P3H1: variants seen among roughly 807,000 people sequenced by gnomAD.
P3H1 encodes prolyl 3-hydroxylase 1.
In P3H1, 69 loss-of-function variants were observed where a neutral mutation model predicts 84.0. The ratio of observed to expected loss-of-function variants is 0.82; its 90% CI spans 0.68 to 1.00. P3H1 has a LOEUF of 1.00. Ranked by LOEUF, P3H1 falls within the 50% of genes least tolerant of loss-of-function variation. The pLI, the probability that P3H1 is intolerant of heterozygous loss-of-function variation, is 0.00. For missense variants in P3H1, 878 were observed against 962.8 expected, an observed-to-expected ratio of 0.91 and a Z score of 1.17; for synonymous variants, 366 against 388.8, an observed-to-expected ratio of 0.94 and a Z score of 0.69.
chr1:42,751,551 C>G (rs998103391), intron 10 of P3H1: 2 of 133,012 alleles, frequency 1.5e-5, no homozygotes, highest in African/African-American at 5.7e-5. Flanking sequence ...CGAGAAACAC[C>G]CAAGAATGAT....
Position 42,757,812 on chromosome 1 carries a change from C to T in P3H1, c.1051G>A (p.Glu351Lys). Residue 351 changes from glutamate to lysine, a missense_variant, in exon 5 of 15, where the codon GAA becomes AAA. Physicochemically the swap from Glu to Lys is moderately conservative, Grantham distance 56. Coordinates refer to ENST00000296388, the MANE Select transcript of P3H1 (RefSeq NM_022356.4). The stretch of plus-strand genomic sequence containing the variant: ...CGGGGGCCGATGGATCTGGTGTGTT[C>T]TTCTCCAAGCATAGCTGCATAATAG... ...LAYYAAMLGE[E>K]HTRSIGPRES... is the part of the protein sequence containing the mutation. 4 of 1,614,242 alleles carry T rather than the reference C, an allele frequency of 2.5e-6. No individual in the cohort carries two copies. Among genetic ancestry groups the T allele is most frequent in the Non-Finnish European group, 3.4e-6 (4 of 1,180,046 alleles).
At chr1:42,764,437 A>AG (rs1345848400) in intron 1 of P3H1, among the ~76,000 whole-genome samples, 1 of 149,236 alleles carries the variant, frequency 6.7e-6, no homozygotes, top group African/African-American at 2.4e-5. Flanking sequence ...AAAAAAAAAA[A>AG]AAAAAAAGAA....
intron 1 of P3H1, among the ~76,000 whole-genome samples, 157 bp downstream of exon 1, chr1:42,766,350 G>A (rs1226624668): frequency 6.6e-6 from 1 of 152,158 alleles, no homozygotes; most frequent in African/African-American, 2.4e-5. Context: ...CTCCTGCCAG[G>A]GAGCAGCTCT....
chr1:42,746,626 C>A lies in P3H1; in HGVS notation c.*71G>T. 3 of 1,320,526 alleles carry A rather than the reference C, an allele frequency of 2.3e-6. No homozygotes were observed. Among genetic ancestry groups the A allele is most frequent in the South Asian group, 1.3e-5 (1 of 79,400 alleles). 81.8% of individuals were successfully genotyped at this position (1,320,526 alleles called of 1,614,324 possible). On this transcript the variant is annotated 3_prime_UTR_variant, in exon 15 of 15. Coordinates refer to ENST00000296388, the MANE Select transcript of P3H1 (RefSeq NM_022356.4). ...CTCACTGCTCTGCAGCCCCGAGGGG[C>A]TGGCCAGCTCAGAGTGCAGAAGAGT...
chr1:42,752,659 G>C lies in P3H1; in HGVS notation c.1351C>G (p.Pro451Ala). The C allele has an allele frequency of 6.2e-7, 1 of 1,614,164 alleles. No individual in the cohort carries two copies. Reference sequence around the variant, plus strand: ...AGACTGATGCCTTCATACAGCAGGGGGCCACCTGCAAAGCAATGACAAAAC... The same window carrying C: ...AGACTGATGCCTTCATACAGCAGGGCGCCACCTGCAAAGCAATGACAAAAC... ...DVSRLTREGG[P>A]LLYEGISLTM... Residue 451 changes from proline (P) to alanine (A), a missense_variant, in exon 9 of 15, where the codon CCC (proline) becomes GCC (alanine). Pro to Ala is a conservative substitution (Grantham distance 27). Coordinates refer to ENST00000296388, the MANE Select transcript of P3H1 (RefSeq NM_022356.4).
At chr1:42,764,231 G>A (rs1451535051) in intron 1 of P3H1, among the ~76,000 whole-genome samples, 1 of 151,654 alleles carries the variant, frequency 6.6e-6, no homozygotes, top group Non-Finnish European at 1.5e-5. Context: ...AGACCATCCT[G>A]GCCAATATGG....
rs199597388 is a variant in P3H1, at chr1:42,754,968, G to A, written c.1246C>T (p.Arg416Cys). Residue 416 changes from arginine to cysteine, a missense_variant, in exon 8 of 15, where the codon CGC becomes TGC. By Grantham distance (180) the Arg-to-Cys change is radical (BLOSUM62 -3). Transcript: ENST00000296388. This position sits in a 1 kb window ranked among gnomAD's most constrained non-coding sequence, Gnocchi z 4.0. ...KQKSERETAV[R>C]ISQEIGNLMK... ...AGGTTCCCAATCTCCTGGGAGATGC[G>A]TACGGCTGTTTCCCGTTCTGACCTA... is the stretch of plus-strand genomic sequence containing the variant. 9.9e-6 allele frequency: 16 copies of A among 1,614,028 alleles called. No homozygotes were observed. Among genetic ancestry groups the A allele is most frequent in the East Asian group, 2.2e-5 (1 of 44,888 alleles).
In P3H1 at chr1:42,755,596, T is replaced by A; in HGVS notation, c.1122A>T (p.Glu374Asp). The change falls in exon 6 of 15, where the codon GAA becomes GAT. Residue 374 changes from glutamate to aspartate, a missense_variant. Physicochemically the swap from Glu to Asp is conservative, Grantham distance 45 (BLOSUM62 2). Coordinates refer to ENST00000296388, the MANE Select transcript of P3H1 (RefSeq NM_022356.4). ...AAACATCATAAGCGAAGAAAAGCAG[T>A]TCTTTTTCCAGTAGGCTTCGCTGTC... ...EYRQRSLLEK[E>D]LLFFAYDVFG... The A allele has an allele frequency of 6.2e-7, 1 of 1,614,156 alleles. No homozygotes were observed. Among genetic ancestry groups the A allele is most frequent in the Non-Finnish European group, 8.5e-7 (1 of 1,180,010 alleles).
intron 5 of P3H1, 118 bp from the exon 6 acceptor site, chr1:42,755,755 C>T: frequency 1.1e-5 from 8 of 741,186 alleles, no homozygotes; most frequent in Non-Finnish European, 1.7e-5. Context: ...CCTCCTCTCC[C>T]TACCAATGCT....
intron 2 of P3H1, among the ~76,000 whole-genome samples, chr1:42,759,651 T>G (rs1281819021): frequency 6.6e-6 from 1 of 152,210 alleles, no homozygotes; most frequent in Admixed American, 6.5e-5. Context: ...TGGACTGCAG[T>G]GGCACAATCT....
chr1:42,747,536 C>G (rs1651797922), intron 13 of P3H1, 124 bp from the exon 14 acceptor site: 1 of 1,144,354 alleles, frequency 8.7e-7, no homozygotes, highest in Non-Finnish European at 1.3e-6. Context: ...TCCCTAAGAC[C>G]AGAACTAAAG....
intron 2 of P3H1, 94 bp downstream of exon 2, chr1:42,762,229 C>A (rs1449404600): frequency 7.7e-6 from 10 of 1,290,896 alleles, no homozygotes; most frequent in Non-Finnish European, 1.1e-5. Context: ...TATGATCAAG[C>A]CACTGCACTC....
At chr1:42,751,086 G>A (rs1652047138) in intron 10 of P3H1, among the ~76,000 whole-genome samples, 1 of 134,998 alleles carries the variant, frequency 7.4e-6, no homozygotes, top group East Asian at 2.2e-4. Context: ...GGCTCATTGG[G>A]GATGGGCCAT....
intron 8 of P3H1, among the ~76,000 whole-genome samples, chr1:42,753,449 T>G (rs1449588687): frequency 6.6e-6 from 1 of 152,178 alleles, no homozygotes; most frequent in Non-Finnish European, 1.5e-5. Flanking sequence ...TCAGTTCAAC[T>G]CCACTTGATA....
chr1:42,752,598 C>A lies in P3H1; in HGVS notation c.1412G>T (p.Arg471Leu), dbSNP rs377645905. The change falls in exon 9 of 15, where the codon CGG (arginine) becomes CTG (leucine). Residue 471 changes from arginine to leucine, a missense_variant. Physicochemically the swap from Arg to Leu is moderately radical, Grantham distance 102 (BLOSUM62 -2). Coordinates refer to ENST00000296388, the MANE Select transcript of P3H1 (RefSeq NM_022356.4). ...AGAGATTACGCCGTCCATCACCACCCGCTGGGAACCATTCAGGAGTTTGGA... is the reference window on the plus strand; with the variant it reads ...AGAGATTACGCCGTCCATCACCACCAGCTGGGAACCATTCAGGAGTTTGGA... ...MNSKLLNGSQ[R>L]VVMDGVISDH... The A allele has an allele frequency of 4.6e-5, 75 of 1,614,072 alleles. No individual in the cohort carries two copies. The highest frequency in any genetic ancestry group is 6.7e-5 in the Admixed American group (4 of 60,004).
chr1:42,749,103 AC>A (rs538105908), intron 11 of P3H1, among the ~76,000 whole-genome samples: 73 of 152,270 alleles, frequency 4.8e-4, no homozygotes, highest in African/African-American at 1.7e-3. Context: ...AAATCTCTCC[AC>A]ACACACAGCA....
chr1:42,759,313 C>T lies in P3H1; in HGVS notation c.696G>A (p.Leu232=), dbSNP rs1463434759. 6.2e-7 allele frequency: 1 copy of T among 1,614,178 alleles called. No homozygotes were observed. ...QEAVPHLEAA[L]QEYFVAYEEC... is the part of the protein sequence containing the mutation. ...CCTCATAGGCCACAAAGTATTCTTG[C>T]AGCGCCGCCTCTAGGTGGGGCACAG... Residue 232 remains leucine (L), a synonymous_variant, in exon 3 of 15, where the codon CTG becomes CTA. Coordinates refer to ENST00000296388, the MANE Select transcript of P3H1 (RefSeq NM_022356.4).
rs974955821 is a variant in P3H1 at position 42,746,580 on chromosome 1, C to A, written c.*117G>T. Reference sequence around the variant, plus strand: ...TAGAAGGCTGTGAGCAGGGTCCCCTCGGCTGAGTGGCAGATGTAGGCTCAC... The same window carrying A: ...TAGAAGGCTGTGAGCAGGGTCCCCTAGGCTGAGTGGCAGATGTAGGCTCAC... On this transcript the variant is annotated 3_prime_UTR_variant, in exon 15 of 15. Transcript: ENST00000296388. 1 of 821,444 alleles carries A rather than the reference C, an allele frequency of 1.2e-6. No individual in the cohort carries two copies. Among genetic ancestry groups the A allele is most frequent in the Non-Finnish European group, 2.0e-6 (1 of 495,470 alleles). The allele number at this position is 821,444 out of a possible 1,614,324, so 50.9% of individuals were successfully genotyped here. A position where few individuals can be genotyped will look rare whatever the true frequency, so the allele number is the denominator to read the frequency against.
At chr1:42,758,266 G>C (rs772882700) in intron 4 of P3H1, among the ~76,000 whole-genome samples, 1 of 152,172 alleles carries the variant, frequency 6.6e-6, no homozygotes, top group Non-Finnish European at 1.5e-5. Context: ...TCAATCATTA[G>C]ATCAATTTCC....
Sources: gnomAD v4.1 joint callset for allele counts (sites outside exome capture counted in the v4.1 genomes callset) on GRCh38, gnomAD v4.1.1 for gene constraint, Gnocchi (gnomAD v3.1) non-coding constraint, MANE v1.5 for transcripts, NCBI Gene and HGNC (gene_info 2026-07-23, HGNC 2026-07-21) for gene names.